The following LYPD6B variants were observed in gnomAD, a reference collection of about 807,000 sequenced individuals.
The protein encoded by LYPD6B is LY6/PLAUR domain containing 6B, also known as ly6/PLAUR domain-containing protein 6B.
A neutral mutation model predicts 22.8 loss-of-function variants in LYPD6B; 17 were observed. The ratio of observed to expected loss-of-function variants is 0.75; its 90% CI spans 0.51 to 1.12. LYPD6B has a LOEUF of 1.12. Among genes scored for constraint, LYPD6B ranks in the 50% most tolerant of loss-of-function variants. LYPD6B has a pLI of 0.00. For synonymous variants in LYPD6B, 106 were observed against 91.6 expected, an observed-to-expected ratio of 1.16 and a Z score of -0.90; for missense variants, 221 against 258.3, an observed-to-expected ratio of 0.86 and a Z score of 0.99.
At chr2:149,116,517 A>G (rs1319548702) in intron 1 of LYPD6B, among the ~76,000 whole-genome samples, 1 of 152,114 alleles carries the variant, frequency 6.6e-6, no homozygotes, top group Admixed American at 6.5e-5. Context: ...ATTTACTACT[A>G]ATTTGCTGTT....
intron 1 of LYPD6B, among the ~76,000 whole-genome samples, chr2:149,055,317 G>C (rs1398406716): frequency 6.6e-6 from 1 of 152,162 alleles, no homozygotes; most frequent in East Asian, 1.9e-4. Context: ...TTTTGAAATT[G>C]AGAAGTATAA....
At chr2:149,138,977 G>A (rs569272053) in intron 2 of LYPD6B, among the ~76,000 whole-genome samples, 2 of 152,274 alleles carry the variant, frequency 1.3e-5, no homozygotes, top group South Asian at 4.1e-4. Context: ...ACGTGAACTG[G>A]TATATTCCTC....
rs879772827 is a variant in LYPD6B at position 149,038,731 on chromosome 2, C to A, written c.-137C>A. 283 of 151,638 alleles carry A rather than the reference C, an allele frequency of 1.9e-3. No homozygotes were observed. Among genetic ancestry groups the A allele is most frequent in the Non-Finnish European group, 3.5e-3 (235 of 67,886 alleles). 9.4% of individuals were successfully genotyped at this position (151,638 alleles called of 1,614,324 possible). On this transcript the variant is annotated 5_prime_UTR_variant, in exon 1 of 7. Transcript: ENST00000409642. The stretch of plus-strand genomic sequence containing the variant: ...GGTAGCAGCCAACGCCGGCCCCAGG[C>A]GGGTGCGCTGGGAGCCTGGGCCGGG...
At chr2:149,109,585 A>G (rs1372266370) in intron 1 of LYPD6B, among the ~76,000 whole-genome samples, 1 of 152,142 alleles carries the variant, frequency 6.6e-6, no homozygotes, top group African/African-American at 2.4e-5. Flanking sequence ...ATTTTAACTT[A>G]TGTATCTTCA....
chr2:149,171,511 C>A (rs1165367552), intron 3 of LYPD6B, among the ~76,000 whole-genome samples: 1 of 148,296 alleles, frequency 6.7e-6, no homozygotes, highest in East Asian at 2.1e-4. Flanking sequence ...TACGTGAGAG[C>A]TCTTTTTTGA....
At chr2:149,171,220 C>G (rs1413327733) in intron 3 of LYPD6B, among the ~76,000 whole-genome samples, 1 of 152,078 alleles carries the variant, frequency 6.6e-6, no homozygotes, top group Non-Finnish European at 1.5e-5. Context: ...TAGGAAGGCT[C>G]AACCCAGGCA....
intron 1 of LYPD6B, among the ~76,000 whole-genome samples, chr2:149,076,323 G>T (rs1399165360): frequency 6.6e-6 from 1 of 152,042 alleles, no homozygotes; most frequent in African/African-American, 2.4e-5. Flanking sequence ...TATACATTTT[G>T]ATTTTCTTCT....
At chr2:149,042,040 A>G (rs933636495) in intron 1 of LYPD6B, among the ~76,000 whole-genome samples, 1 of 152,204 alleles carries the variant, frequency 6.6e-6, no homozygotes, top group African/African-American at 2.4e-5. Context: ...CCTTCCCCGG[A>G]AACTCCCTGT....
chr2:149,133,182 T>A (rs1338919328), intron 2 of LYPD6B, among the ~76,000 whole-genome samples: 1 of 152,150 alleles, frequency 6.6e-6, no homozygotes, highest in Non-Finnish European at 1.5e-5. Context: ...ACTGGGCCTC[T>A]GTAGTCAGTT....
intron 2 of LYPD6B, among the ~76,000 whole-genome samples, chr2:149,147,940 G>GTGTGTGTGTA (rs1171650654): frequency 6.6e-6 from 1 of 151,598 alleles, no homozygotes; most frequent in African/African-American, 2.4e-5. Context: ...GTGTGTGTGT[G>GTGTGTGTGTA]TATAGTCAGA....
intron 3 of LYPD6B, among the ~76,000 whole-genome samples, chr2:149,185,802 A>G (rs1160411014): frequency 6.6e-6 from 1 of 152,172 alleles, no homozygotes; most frequent in African/African-American, 2.4e-5. Context: ...GGTACTTCTC[A>G]CAATATTTCA....
intron 6 of LYPD6B, among the ~76,000 whole-genome samples, 186 bp downstream of exon 6, chr2:149,213,308 A>G (rs1415064131): frequency 6.6e-6 from 1 of 152,160 alleles, no homozygotes; most frequent in African/African-American, 2.4e-5. Flanking sequence ...GAGACCAAAG[A>G]ACAGAGACTC....
intron 3 of LYPD6B, among the ~76,000 whole-genome samples, chr2:149,181,711 T>C (rs1691737553): frequency 6.6e-6 from 1 of 152,238 alleles, no homozygotes; most frequent in South Asian, 2.1e-4. Context: ...GTTTTCCTTC[T>C]AATACACTTC....
intron 1 of LYPD6B, among the ~76,000 whole-genome samples, chr2:149,060,997 G>GTTTTGA (rs1558974230): frequency 1.3e-5 from 2 of 152,174 alleles, no homozygotes; most frequent in African/African-American, 4.8e-5. Flanking sequence ...TTTGGGCCTA[G>GTTTTGA]CAAATGTGTT....
chr2:149,041,036 CTG>C (rs1228184790), intron 1 of LYPD6B, among the ~76,000 whole-genome samples: 1 of 148,546 alleles, frequency 6.7e-6, no homozygotes, highest in Admixed American at 6.7e-5. Flanking sequence ...CCCAAAGAAA[CTG>C]TAGTTGAGCT....
At chr2:149,112,459 G>A (rs1686805032) in intron 1 of LYPD6B, among the ~76,000 whole-genome samples, 1 of 152,094 alleles carries the variant, frequency 6.6e-6, no homozygotes, top group African/African-American at 2.4e-5. Context: ...AAGCTATGCA[G>A]AGAAAAGACA....
chr2:149,164,674 G>T (rs1485565302), intron 3 of LYPD6B, among the ~76,000 whole-genome samples: 1 of 152,194 alleles, frequency 6.6e-6, no homozygotes, highest in Non-Finnish European at 1.5e-5. Context: ...GGTGCTGAAA[G>T]CTTGCCTCCA....
chr2:149,056,163 T>G (rs1161322560), intron 1 of LYPD6B, among the ~76,000 whole-genome samples: 1 of 152,222 alleles, frequency 6.6e-6, no homozygotes, highest in Non-Finnish European at 1.5e-5. Context: ...CCAAGGAGTT[T>G]GACTAACATT....
chr2:149,192,641 C>T (rs1258656622), intron 3 of LYPD6B, among the ~76,000 whole-genome samples: 1 of 152,080 alleles, frequency 6.6e-6, no homozygotes, highest in Non-Finnish European at 1.5e-5. Flanking sequence ...GAGATGATCA[C>T]ACCACCCTTA....
Sources: allele counts gnomAD v4.1 joint callset (sites outside exome capture counted in the v4.1 genomes callset), GRCh38; gene constraint gnomAD v4.1.1; transcripts MANE v1.5; gene names NCBI Gene and HGNC (gene_info 2026-07-23, HGNC 2026-07-21).